The following TOX3 variants were observed in gnomAD, a reference collection of about 807,000 sequenced individuals.
TOX3 encodes the protein TOX high mobility group box family member 3.
TOX3 carries 22 observed loss-of-function variants against 64.3 expected under a neutral mutation model. The ratio of observed to expected loss-of-function variants is 0.34; its 90% CI spans 0.24 to 0.49. The LOEUF is 0.49. TOX3 is among the 20% of genes least tolerant of loss of function. The pLI is 0.99. For missense variants in TOX3, 661 were observed against 714.4 expected (o/e 0.93, Z 0.85); for synonymous variants, 291 against 273.6 (o/e 1.06, Z -0.63).
At chr16:52,531,424 G>A (rs1055961995) in intron 1 of TOX3, among the ~76,000 whole-genome samples, 1 of 152,134 alleles carries the variant, frequency 6.6e-6, no homozygotes, top group Non-Finnish European at 1.5e-5. Flanking sequence ...TACTAAATAC[G>A]GAGGGTGTTC....
At chr16:52,523,959 G>A (rs1263810483) in intron 1 of TOX3, among the ~76,000 whole-genome samples, 2 of 152,134 alleles carry the variant, frequency 1.3e-5, no homozygotes, top group Non-Finnish European at 2.9e-5. Context: ...TAAAAGAACT[G>A]TGAATTGAAG....
intron 4 of TOX3, among the ~76,000 whole-genome samples, chr16:52,449,192 T>C (rs1040526331): frequency 6.6e-6 from 1 of 152,192 alleles, no homozygotes; most frequent in African/African-American, 2.4e-5. Flanking sequence ...CTCTAAAGCA[T>C]AAATTACTTA....
intron 1 of TOX3, among the ~76,000 whole-genome samples, chr16:52,512,703 G>T (rs1431981446): frequency 6.6e-6 from 1 of 152,166 alleles, no homozygotes; most frequent in Admixed American, 6.5e-5. Flanking sequence ...TGACATTTTT[G>T]AGCTGAGACA....
Position 52,446,076 on chromosome 16 carries a change from C to T in TOX3, c.824G>A (p.Gly275Asp). Reference protein sequence around the residue: ...FFRDTQAAIKGQNPNATFGEV... With the variant: ...FFRDTQAAIKDQNPNATFGEV... ...TCCAAAGGTTGCATTGGGGTTTTGA[C>T]CTTTAATTGCAGCCTGTGTGTCTCT... The change falls in exon 5 of 7, where the codon GGT becomes GAT. Residue 275 changes from glycine to aspartate, a missense_variant. By Grantham distance (94) the Gly-to-Asp change is moderately conservative. This residue lies in a region of TOX3 where 103 missense variants were observed against 161.2 expected (regional missense o/e 0.64). Transcript: ENST00000219746. 2 of 1,613,950 alleles carry T rather than the reference C, an allele frequency of 1.2e-6. No individual in the cohort carries two copies. Among genetic ancestry groups the T allele is most frequent in the Non-Finnish European group, 1.7e-6 (2 of 1,179,856 alleles).
chr16:52,491,040 T>A (rs948070178), intron 1 of TOX3, among the ~76,000 whole-genome samples: 1 of 152,224 alleles, frequency 6.6e-6, no homozygotes, highest in Non-Finnish European at 1.5e-5. Context: ...TACATGTCAC[T>A]GTCAGGGTTA....
chr16:52,497,878 A>G (rs1231092959), intron 1 of TOX3, among the ~76,000 whole-genome samples: 1 of 152,218 alleles, frequency 6.6e-6, no homozygotes, highest in Non-Finnish European at 1.5e-5. Context: ...AAAGATATAA[A>G]GAAAAAATCA....
intron 1 of TOX3, among the ~76,000 whole-genome samples, chr16:52,469,197 G>A (rs1473042373): frequency 6.6e-6 from 1 of 152,160 alleles, no homozygotes; most frequent in Non-Finnish European, 1.5e-5. Flanking sequence ...GTGCAAAGAG[G>A]TTTAAAAATA....
chr16:52,506,772 A>C (rs1567340959), intron 1 of TOX3, among the ~76,000 whole-genome samples: 1 of 152,180 alleles, frequency 6.6e-6, no homozygotes, highest in Non-Finnish European at 1.5e-5. Flanking sequence ...AGATTTAAAA[A>C]CATGATTGAA....
chr16:52,501,693 CAG>C (rs1029674565), intron 1 of TOX3, among the ~76,000 whole-genome samples: 3 of 148,950 alleles, frequency 2.0e-5, no homozygotes, highest in Non-Finnish European at 4.4e-5. Context: ...AAAAAAAAAA[CAG>C]AGAGAGAATT....
intron 1 of TOX3, among the ~76,000 whole-genome samples, chr16:52,482,298 TA>T (rs1961390013): frequency 6.6e-6 from 1 of 152,208 alleles, no homozygotes; most frequent in South Asian, 2.1e-4. Context: ...CACTGCATAC[TA>T]ATACATTTAA....
At chr16:52,473,279 C>T (rs1002098676) in intron 1 of TOX3, among the ~76,000 whole-genome samples, 2 of 151,946 alleles carry the variant, frequency 1.3e-5, no homozygotes, top group Admixed American at 6.6e-5. Context: ...TATTTTGACA[C>T]CCATGTGAAG....
intron 1 of TOX3, among the ~76,000 whole-genome samples, chr16:52,482,667 A>T (rs1408459232): frequency 1.3e-5 from 2 of 152,214 alleles, no homozygotes; most frequent in Non-Finnish European, 2.9e-5. Context: ...AGCTAAAAAA[A>T]GGGAGGGGGG....
At chr16:52,496,844 G>A (rs1295218791) in intron 1 of TOX3, among the ~76,000 whole-genome samples, 5 of 151,694 alleles carry the variant, frequency 3.3e-5, no homozygotes, top group African/African-American at 2.4e-5. Flanking sequence ...AACAGTTAGT[G>A]CCCACGGCAG....
intron 1 of TOX3, among the ~76,000 whole-genome samples, chr16:52,543,214 T>C (rs1404500164): frequency 6.6e-6 from 1 of 152,208 alleles, no homozygotes. Context: ...AGGTTGAGTA[T>C]CCCTTATCTG....
intron 1 of TOX3, among the ~76,000 whole-genome samples, chr16:52,510,778 A>AAAAAAAAGAAG: frequency 8.7e-6 from 1 of 115,162 alleles, no homozygotes; most frequent in African/African-American, 3.5e-5. Flanking sequence ...AAAAAAAAAA[A>AAAAAAAAGAAG]AAGAAGAAGA....
rs1962182525 is a variant in TOX3, at chr16:52,507,196, C to T, written c.88-38622G>A. 2.0e-5 allele frequency among the ~76,000 whole-genome samples: 3 copies of T among 152,252 alleles called. No homozygotes were observed. The South Asian group carries it at 6.2e-4, about 32-fold the overall frequency. On this transcript the variant is annotated intron_variant, in intron 1 of 6. Transcript: ENST00000219746. ...CAAAGAATGGGGATAGAAAGGGAGC[C>T]ATGACAAAATAAAGGAGGGGGCTGT...
At chr16:52,517,357 A>G (rs962589853) in intron 1 of TOX3, among the ~76,000 whole-genome samples, 66 of 152,182 alleles carry the variant, frequency 4.3e-4, no homozygotes, top group African/African-American at 1.5e-3. Context: ...CTGCCTCTAT[A>G]CTAGAAAGGA....
chr16:52,498,905 T>A (rs1282735110), intron 1 of TOX3, among the ~76,000 whole-genome samples: 1 of 152,178 alleles, frequency 6.6e-6, no homozygotes, highest in Non-Finnish European at 1.5e-5. Context: ...GATGTAGAAA[T>A]GCTTTCCATT....
chr16:52,519,549 G>A (rs879024415), intron 1 of TOX3: 15 of 1,517,410 alleles, frequency 9.9e-6, no homozygotes, highest in South Asian at 1.2e-5. Flanking sequence ...TCCTCTGCTG[G>A]ATGGGGTTCA....
Sources: allele counts gnomAD v4.1 joint callset (sites outside exome capture counted in the v4.1 genomes callset), GRCh38; gene constraint gnomAD v4.1.1; regional missense constraint gnomAD v4.1.1; transcripts MANE v1.5; gene names NCBI Gene and HGNC (gene_info 2026-07-23, HGNC 2026-07-21).